The following PALM2AKAP2 variants were observed in gnomAD, a reference collection of about 807,000 sequenced individuals.
PALM2AKAP2 encodes PALM2-AKAP2 fusion protein.
In PALM2AKAP2, 37 loss-of-function variants were observed where a neutral mutation model predicts 71.5. The ratio of observed to expected loss-of-function variants is 0.52; its 90% CI spans 0.40 to 0.68. The LOEUF is 0.68. Among genes scored for constraint, PALM2AKAP2 ranks in the 30% least tolerant of loss-of-function variants. PALM2AKAP2 has a pLI of 0.00. For missense variants in PALM2AKAP2, 1,224 were observed against 1,191.8 expected (o/e 1.03, Z -0.40); for synonymous variants, 468 against 478.8 (o/e 0.98, Z 0.29).
chr9:110,049,139 C>G (rs895851993), intron 1 of PALM2AKAP2, among the ~76,000 whole-genome samples: 1 of 152,170 alleles, frequency 6.6e-6, no homozygotes, highest in Non-Finnish European at 1.5e-5. Flanking sequence ...GCTTTAAAAA[C>G]TAAACGCAGG....
At chr9:109,851,206 CAACAAA>C (rs1204690613) in intron 1 of PALM2AKAP2, among the ~76,000 whole-genome samples, 5 of 53,138 alleles carry the variant, frequency 9.4e-5, no homozygotes, top group Non-Finnish European at 2.0e-4. Context: ...ACAACAACAA[CAACAAA>C]AAAAAAAAAA....
chr9:109,886,151 ATGCTT>A (rs777348114), intron 3 of PALM2AKAP2, among the ~76,000 whole-genome samples: 1 of 152,182 alleles, frequency 6.6e-6, no homozygotes, highest in Non-Finnish European at 1.5e-5. Flanking sequence ...CATCTTCTGT[ATGCTT>A]TGCTTCTTTT....
intron 1 of PALM2AKAP2, among the ~76,000 whole-genome samples, chr9:110,083,763 A>G (rs188849204): frequency 1.3e-5 from 2 of 152,360 alleles, no homozygotes; most frequent in Admixed American, 6.5e-5. Flanking sequence ...CTAGAAGACA[A>G]TGGGAACAAG....
intron 1 of PALM2AKAP2, among the ~76,000 whole-genome samples, chr9:110,055,333 T>C (rs1421331106): frequency 6.6e-6 from 1 of 152,122 alleles, no homozygotes; most frequent in Non-Finnish European, 1.5e-5. Context: ...GTAGCTGGGA[T>C]TACAGGCGTG....
chr9:109,852,607 A>G (rs1045523106), intron 1 of PALM2AKAP2, among the ~76,000 whole-genome samples: 1 of 152,202 alleles, frequency 6.6e-6, no homozygotes, highest in Non-Finnish European at 1.5e-5. Context: ...AGAAATCTCC[A>G]AACTACTTTC....
At chr9:109,691,927 C>CATATATATATACACAT (rs1827902170) in intron 1 of PALM2AKAP2, among the ~76,000 whole-genome samples, 1 of 97,258 alleles carries the variant, frequency 1.0e-5, no homozygotes, top group African/African-American at 4.5e-5. Flanking sequence ...TATATATACA[C>CATATATATATACACAT]ATATATATAT....
intron 1 of PALM2AKAP2, among the ~76,000 whole-genome samples, chr9:109,806,783 G>C (rs756991073): frequency 2.0e-5 from 3 of 152,142 alleles, no homozygotes; most frequent in Non-Finnish European, 2.9e-5. Context: ...AGTGGTAGGT[G>C]ATGTGACCAA....
chr9:110,043,728 T>TTG (rs1833546785), upstream of PALM2AKAP2, among the ~76,000 whole-genome samples: 6 of 140,724 alleles, frequency 4.3e-5, no homozygotes, highest in South Asian at 1.4e-3. Context: ...TTTTTTTTTT[T>TTG]TTTTTTTTTT....
At chr9:109,840,823 A>G (rs1828640885) in intron 1 of PALM2AKAP2, among the ~76,000 whole-genome samples, 1 of 152,224 alleles carries the variant, frequency 6.6e-6, no homozygotes, top group Non-Finnish European at 1.5e-5. Flanking sequence ...ATGAGATACC[A>G]TCTCATACCA....
At chr9:109,910,621 A>G (rs1487489662) in intron 3 of PALM2AKAP2, among the ~76,000 whole-genome samples, 1 of 152,242 alleles carries the variant, frequency 6.6e-6, no homozygotes, top group African/African-American at 2.4e-5. Flanking sequence ...ATCCACACCA[A>G]AGAGGGTCCG....
At chr9:110,091,727 G>T (rs1370017082) in intron 1 of PALM2AKAP2, among the ~76,000 whole-genome samples, 2 of 152,062 alleles carry the variant, frequency 1.3e-5, no homozygotes, top group Admixed American at 1.3e-4. Flanking sequence ...CTCCCAAAGT[G>T]CCGGGATTAC....
intron 1 of PALM2AKAP2, among the ~76,000 whole-genome samples, chr9:110,122,211 A>G (rs1835503986): frequency 6.6e-6 from 1 of 152,162 alleles, no homozygotes; most frequent in Non-Finnish European, 1.5e-5. Context: ...CAAATTTTGT[A>G]GAGACAAGGT....
intron 1 of PALM2AKAP2, among the ~76,000 whole-genome samples, chr9:109,730,617 T>A (rs1390806327): frequency 6.6e-6 from 1 of 152,252 alleles, no homozygotes; most frequent in Non-Finnish European, 1.5e-5. Flanking sequence ...AGTTTGGATT[T>A]GGCTTAAGAA....
Position 109,983,681 on chromosome 9 carries a change from A to G in PALM2AKAP2, c.497-32273A>G, listed in dbSNP as rs1236446542. On this transcript the variant is annotated intron_variant, in intron 6 of 9. Transcript: ENST00000302798. ...GGAGTTCGAGACCAGCCTGACCAAC[A>G]TGGCAAAACCCCATCTCTACTAAAA... Among the ~76,000 whole-genome samples the G allele has an allele frequency of 3.3e-5, 5 of 152,136 alleles. No homozygotes were observed. In the East Asian group the frequency reaches 9.6e-4, roughly 29 times the overall value.
rs186646000 is a variant in PALM2AKAP2, at chr9:110,104,064, C to T, written c.157-32063C>T. ...CAGGAACAGTGGAATCTATTGAGTG[C>T]CCCCCAGGGAGTTCCCCATATGCTG... is the stretch of plus-strand genomic sequence containing the variant. On this transcript the variant is annotated intron_variant, in intron 1 of 3. Transcript: ENST00000374525. Among the ~76,000 whole-genome samples the T allele has an allele frequency of 4.3e-3, 657 of 152,052 alleles. 3 individuals are homozygous for T. The highest frequency in any genetic ancestry group is 4.8e-3 in the Non-Finnish European group (327 of 67,986).
intron 5 of PALM2AKAP2, among the ~76,000 whole-genome samples, chr9:109,930,525 G>A (rs1431738363): frequency 1.3e-5 from 2 of 151,956 alleles, no homozygotes; most frequent in African/African-American, 2.4e-5. Context: ...CGCGCCCGGC[G>A]AAAAATCTGT....
chr9:109,910,815 A>T (rs1014395034), intron 3 of PALM2AKAP2, among the ~76,000 whole-genome samples: 3 of 152,046 alleles, frequency 2.0e-5, no homozygotes, highest in African/African-American at 7.2e-5. Flanking sequence ...GTGCAGAGGG[A>T]CTGAGGCTGA....
At chr9:110,065,758 T>C (rs1187754760) in intron 1 of PALM2AKAP2, among the ~76,000 whole-genome samples, 2 of 152,354 alleles carry the variant, frequency 1.3e-5, no homozygotes, top group South Asian at 2.1e-4. Context: ...ACTTTCTGTC[T>C]CTATGAAGTT....
chr9:110,044,688 C>T (rs150769191), upstream of PALM2AKAP2, among the ~76,000 whole-genome samples: 1,047 of 149,920 alleles, frequency 7.0e-3, 6 homozygotes, highest in Non-Finnish European at 9.7e-3. Flanking sequence ...TTTAAATTTT[C>T]AGCCAACTTT....
Sources: allele counts gnomAD v4.1 joint callset (sites outside exome capture counted in the v4.1 genomes callset), GRCh38; gene constraint gnomAD v4.1.1; transcripts MANE v1.5; gene names NCBI Gene and HGNC (gene_info 2026-07-23, HGNC 2026-07-21).